Variants in NXPH1 observed in about 807,000 individuals in gnomAD.
The protein encoded by NXPH1 is neurexophilin 1.
NXPH1 carries 5 observed loss-of-function variants against 23.7 expected under a neutral mutation model. The ratio of observed to expected loss-of-function variants is 0.21; its 90% confidence interval spans 0.11 to 0.44. The LOEUF (loss-of-function observed/expected upper bound fraction) is 0.44, where lower values mean the gene tolerates loss of function less well. Ranked by LOEUF, NXPH1 falls within the 20% of genes least tolerant of loss-of-function variation. The pLI, the probability that NXPH1 is intolerant of heterozygous loss-of-function variation, is 0.99. For synonymous variants in NXPH1, 144 were observed against 122.2 expected, an observed-to-expected ratio of 1.18 and a Z score of -1.18; for missense variants, 324 against 321.6, an observed-to-expected ratio of 1.01 and a Z score of -0.06.
intron 2 of NXPH1, among the ~76,000 whole-genome samples, chr7:8,572,976 G>T (rs1018786298): frequency 1.3e-5 from 2 of 151,920 alleles, no homozygotes; most frequent in Admixed American, 6.6e-5. Context: ...AATACATGCA[G>T]GAATTTTGTA....
chr7:8,637,857 T>C (rs901335743), intron 2 of NXPH1, among the ~76,000 whole-genome samples: 1 of 152,194 alleles, frequency 6.6e-6, no homozygotes, highest in African/African-American at 2.4e-5. Flanking sequence ...AGAAGGACTT[T>C]GGTGATACGA....
At chr7:8,615,274 G>A (rs563356347) in intron 2 of NXPH1, among the ~76,000 whole-genome samples, 21 of 152,180 alleles carry the variant, frequency 1.4e-4, no homozygotes, top group East Asian at 1.9e-4. Context: ...GAGGCAGTGC[G>A]CATGGTGGCT....
At chr7:8,688,821 A>G (rs952462889) in intron 2 of NXPH1, among the ~76,000 whole-genome samples, 1 of 152,212 alleles carries the variant, frequency 6.6e-6, no homozygotes, top group African/African-American at 2.4e-5. Flanking sequence ...TAGGATTTCA[A>G]TTTATCAGAA....
chr7:8,663,295 A>G (rs970003637), intron 2 of NXPH1, among the ~76,000 whole-genome samples: 1 of 151,926 alleles, frequency 6.6e-6, no homozygotes, highest in African/African-American at 2.4e-5. Context: ...AGTGTGCACA[A>G]TTTTCCTTTT....
chr7:8,513,695 A>G (rs1294139265), intron 2 of NXPH1, among the ~76,000 whole-genome samples: 1 of 152,116 alleles, frequency 6.6e-6, no homozygotes, highest in African/African-American at 2.4e-5. Flanking sequence ...AAAGGTAAGG[A>G]GGAGTCATCT....
chr7:8,725,266 G>A (rs1023610067), intron 2 of NXPH1, among the ~76,000 whole-genome samples: 4 of 152,176 alleles, frequency 2.6e-5, no homozygotes, highest in Admixed American at 2.6e-4. Context: ...AAGGCAGGCA[G>A]ATCACTTGAG....
At position 8,435,408 on chromosome 7, in the gene NXPH1, C is replaced by T; in HGVS notation, c.-110-196C>T. 1 of 477,024 alleles carries T rather than the reference C, an allele frequency of 2.1e-6. No individual in the cohort carries two copies. Among genetic ancestry groups the T allele is most frequent in the Non-Finnish European group, 3.8e-6 (1 of 264,306 alleles). 29.5% of individuals were successfully genotyped at this position (477,024 alleles called of 1,614,324 possible). A position where few individuals can be genotyped will look rare whatever the true frequency, so the allele number is the denominator to read the frequency against. On this transcript the variant is annotated intron_variant, in intron 1 of 2. Coordinates refer to ENST00000405863, the MANE Select transcript of NXPH1 (RefSeq NM_152745.3). This position sits in a 1 kb window ranked among gnomAD's most constrained non-coding sequence, Gnocchi z 5.9. ...GCCCCTCACCCTCCCTCTCGTCCGCCCGCCCGCCTCCCCAGCTGCGGACCG... is the reference window on the plus strand; with the variant it reads ...GCCCCTCACCCTCCCTCTCGTCCGCTCGCCCGCCTCCCCAGCTGCGGACCG...
chr7:8,713,332 A>G (rs2115199414), intron 2 of NXPH1, among the ~76,000 whole-genome samples: 1 of 152,272 alleles, frequency 6.6e-6, no homozygotes, highest in South Asian at 2.1e-4. Flanking sequence ...TTTATCTGAT[A>G]GGATTCCGAA....
intron 2 of NXPH1, among the ~76,000 whole-genome samples, chr7:8,457,386 G>A (rs1217351550): frequency 6.6e-6 from 1 of 152,168 alleles, no homozygotes; most frequent in Non-Finnish European, 1.5e-5. Context: ...CACCGATGGA[G>A]AAGGCATTGT....
At chr7:8,653,963 C>G (rs1820531426) in intron 2 of NXPH1, among the ~76,000 whole-genome samples, 1 of 152,168 alleles carries the variant, frequency 6.6e-6, no homozygotes, top group South Asian at 2.1e-4. Context: ...TAAGAGTTAA[C>G]TTTGCTTGGA....
intron 2 of NXPH1, among the ~76,000 whole-genome samples, chr7:8,655,512 ACACG>A (rs1341777162): frequency 1.1e-3 from 170 of 151,494 alleles, no homozygotes; most frequent in Non-Finnish European, 2.0e-3. Flanking sequence ...GCACACACAC[ACACG>A]CACACATGCT....
At chr7:8,690,877 T>C (rs949809494) in intron 2 of NXPH1, among the ~76,000 whole-genome samples, 1 of 152,202 alleles carries the variant, frequency 6.6e-6, no homozygotes, top group African/African-American at 2.4e-5. Flanking sequence ...AGTGCTTGCT[T>C]TGCCCAACTT....
chr7:8,587,330 T>A (rs1818999967), intron 2 of NXPH1, among the ~76,000 whole-genome samples: 1 of 151,888 alleles, frequency 6.6e-6, no homozygotes, highest in African/African-American at 2.4e-5. Flanking sequence ...GGAGTGCAGT[T>A]TTGCTATGTT....
chr7:8,447,318 T>C (rs1816422330), intron 2 of NXPH1, among the ~76,000 whole-genome samples: 1 of 152,216 alleles, frequency 6.6e-6, no homozygotes, highest in Non-Finnish European at 1.5e-5. Context: ...GTTAGAGAAT[T>C]AAATGCAGAG....
chr7:8,615,966 G>A (rs544367407), intron 2 of NXPH1, among the ~76,000 whole-genome samples: 48 of 151,908 alleles, frequency 3.2e-4, no homozygotes, highest in Admixed American at 5.9e-4. Context: ...TATTTTTGCC[G>A]TTATCTTCTT....
intron 2 of NXPH1, among the ~76,000 whole-genome samples, chr7:8,450,258 C>G (rs1042668521): frequency 2.4e-4 from 36 of 152,292 alleles, no homozygotes; most frequent in African/African-American, 8.7e-4. Context: ...TTTCCTGTGG[C>G]ATTTAATCTA....
chr7:8,574,432 GT>G (rs1401770751), intron 2 of NXPH1, among the ~76,000 whole-genome samples: 5 of 151,944 alleles, frequency 3.3e-5, no homozygotes, highest in Non-Finnish European at 5.9e-5. Context: ...TCACATAGAT[GT>G]TTTTATGGAG....
In NXPH1 at chr7:8,649,658, T is replaced by C. The variant is rs116726333; in HGVS notation, c.55-101350T>C. ...TGACCAAGGCCTTGTTTCTTGTCTTTGTTGGCTGCTAGAAGAGAAATGGAG... is the reference window on the plus strand; with the variant it reads ...TGACCAAGGCCTTGTTTCTTGTCTTCGTTGGCTGCTAGAAGAGAAATGGAG... On this transcript the variant is annotated intron_variant, in intron 2 of 2. Coordinates refer to ENST00000405863, the MANE Select transcript of NXPH1 (RefSeq NM_152745.3). Among the ~76,000 whole-genome samples, 816 of 152,310 alleles carry C rather than the reference T, an allele frequency of 5.4e-3. 6 individuals carry two copies. Among genetic ancestry groups the C allele is most frequent in the African/African-American group, 0.019 (769 of 41,564 alleles).
At chr7:8,624,494 T>C (rs1423457705) in intron 2 of NXPH1, among the ~76,000 whole-genome samples, 1 of 151,914 alleles carries the variant, frequency 6.6e-6, no homozygotes, top group Non-Finnish European at 1.5e-5. Flanking sequence ...CCCTAAGAAA[T>C]GCCCATATTT....
Sources: gnomAD v4.1 joint callset for allele counts (sites outside exome capture counted in the v4.1 genomes callset) on GRCh38, gnomAD v4.1.1 for gene constraint, Gnocchi (gnomAD v3.1) non-coding constraint, MANE v1.5 for transcripts, NCBI Gene and HGNC (gene_info 2026-07-23, HGNC 2026-07-21) for gene names.